The following LPGAT1 variants were observed in gnomAD, a reference collection of about 807,000 sequenced individuals.
LPGAT1 encodes the protein acyl-CoA:lysophosphatidylglycerol acyltransferase 1.
Under a neutral mutation model 47.5 loss-of-function variants are expected in LPGAT1, and 11 were observed. That is an observed-to-expected ratio of 0.23 (90% confidence interval 0.15 to 0.38). The LOEUF (loss-of-function observed/expected upper bound fraction) is 0.38. LPGAT1 is among the 10% of genes least tolerant of loss of function. The pLI, the probability that LPGAT1 is intolerant of heterozygous loss-of-function variation, is 1.00. For missense variants in LPGAT1, 293 were observed against 439.0 expected (o/e 0.67, Z 2.97); for synonymous variants, 138 against 144.2 (o/e 0.96, Z 0.31).
chr1:211,773,539 T>G (rs1044396315), intron 6 of LPGAT1, among the ~76,000 whole-genome samples: 2 of 152,226 alleles, frequency 1.3e-5, no homozygotes, highest in African/African-American at 4.8e-5. Flanking sequence ...CTTATGGTTA[T>G]ATCTTTTCTC....
At chr1:211,824,011 A>G (rs1434249071) in intron 2 of LPGAT1, among the ~76,000 whole-genome samples, 1 of 152,156 alleles carries the variant, frequency 6.6e-6, no homozygotes, top group Non-Finnish European at 1.5e-5. Flanking sequence ...ATGTGATTCA[A>G]GGTTTCATAT....
chr1:211,793,505 T>C (rs1371240695), intron 2 of LPGAT1, among the ~76,000 whole-genome samples: 1 of 152,010 alleles, frequency 6.6e-6, no homozygotes, highest in African/African-American at 2.4e-5. Context: ...CGATCTTGGC[T>C]CACTGCAACC....
chr1:211,749,729 C>A lies in LPGAT1; in HGVS notation c.*170G>T. The stretch of plus-strand genomic sequence containing the variant: ...TTAGCAGGTCATTATATTACTAATC[C>A]TCATTTTAGTAGATTTTAAAATATC... On this transcript the variant is annotated 3_prime_UTR_variant, in exon 8 of 8. Coordinates refer to ENST00000366997, the MANE Select transcript of LPGAT1 (RefSeq NM_014873.3). 2 of 661,436 alleles carry A rather than the reference C, an allele frequency of 3.0e-6. No homozygotes were observed. Among genetic ancestry groups the A allele is most frequent in the East Asian group, 2.8e-5 (1 of 36,022 alleles). 41.0% of individuals were successfully genotyped at this position (661,436 alleles called of 1,614,324 possible).
intron 6 of LPGAT1, among the ~76,000 whole-genome samples, chr1:211,757,901 C>T (rs1657532443): frequency 6.6e-6 from 1 of 152,148 alleles, no homozygotes; most frequent in Admixed American, 6.5e-5. Flanking sequence ...CCAAAAATTC[C>T]TATGGTGGGA....
At chr1:211,813,721 G>A (rs959773499) in intron 2 of LPGAT1, among the ~76,000 whole-genome samples, 7 of 152,214 alleles carry the variant, frequency 4.6e-5, no homozygotes, top group African/African-American at 1.7e-4. Flanking sequence ...TTAGCATCAG[G>A]TTGATTGCAA....
intron 2 of LPGAT1, among the ~76,000 whole-genome samples, chr1:211,822,403 CA>C (rs1045425085): frequency 3.9e-5 from 6 of 152,198 alleles, no homozygotes; most frequent in Middle Eastern, 3.4e-3. Context: ...TGGAGAAGAA[CA>C]AAAATATTTC....
intron 6 of LPGAT1, among the ~76,000 whole-genome samples, chr1:211,755,114 G>GA (rs1009751842): frequency 6.6e-6 from 1 of 150,648 alleles, no homozygotes; most frequent in Non-Finnish European, 1.5e-5. Flanking sequence ...GAGGTGGGTG[G>GA]ATCACGAGGT....
chr1:211,826,953 A>G (rs954764667), intron 2 of LPGAT1, among the ~76,000 whole-genome samples: 1 of 152,220 alleles, frequency 6.6e-6, no homozygotes, highest in Non-Finnish European at 1.5e-5. Flanking sequence ...AAAGGCTAAT[A>G]TAACACCTGA....
intron 2 of LPGAT1, among the ~76,000 whole-genome samples, chr1:211,798,639 T>C (rs1177563892): frequency 6.6e-6 from 1 of 152,148 alleles, no homozygotes; most frequent in African/African-American, 2.4e-5. Flanking sequence ...GCTGTGATCA[T>C]GCCACTACAC....
At position 211,825,120 on chromosome 1, in the gene LPGAT1, T is replaced by C. The variant is rs534923468; in HGVS notation, c.238+3939A>G. Among the ~76,000 whole-genome samples, 7 of 150,530 alleles carry C rather than the reference T, an allele frequency of 4.7e-5. No homozygotes were observed. The South Asian group carries it at 1.1e-3, about 23-fold the overall frequency. On this transcript the variant is annotated intron_variant, in intron 2 of 7. Transcript: ENST00000366997. The stretch of plus-strand genomic sequence containing the variant: ...TGGCCCATGACTCTCTCTCACCCTA[T>C]ATAAAAATAAAAATTCTGGAGTTTC...
intron 3 of LPGAT1, among the ~76,000 whole-genome samples, chr1:211,788,711 C>T (rs111560796): frequency 2.2e-3 from 334 of 151,354 alleles, no homozygotes; most frequent in African/African-American, 7.7e-3. Context: ...AAAGTACAAA[C>T]GGGATCTAAT....
At chr1:211,791,250 C>G (rs965583074) in intron 3 of LPGAT1, among the ~76,000 whole-genome samples, 2 of 152,174 alleles carry the variant, frequency 1.3e-5, no homozygotes, top group African/African-American at 4.8e-5. Context: ...GAATCAAAAT[C>G]TCTGGAACCT....
At chr1:211,759,957 T>C (rs559926928) in intron 6 of LPGAT1, among the ~76,000 whole-genome samples, 12 of 152,368 alleles carry the variant, frequency 7.9e-5, no homozygotes, top group African/African-American at 2.6e-4. Flanking sequence ...GATATTGCTA[T>C]ATTATCTTTA....
At chr1:211,757,644 C>A (rs549982765) in intron 6 of LPGAT1, among the ~76,000 whole-genome samples, 1 of 152,044 alleles carries the variant, frequency 6.6e-6, no homozygotes, top group South Asian at 2.1e-4. Context: ...AAGTCAATAC[C>A]AAGAATTTAA....
At chr1:211,784,913 C>T (rs940570466) in intron 4 of LPGAT1, among the ~76,000 whole-genome samples, 1 of 151,288 alleles carries the variant, frequency 6.6e-6, no homozygotes, top group Non-Finnish European at 1.5e-5. Context: ...ACGCCATTCT[C>T]CTGCCTCAGC....
chr1:211,773,749 C>T (rs1282794543), intron 6 of LPGAT1, among the ~76,000 whole-genome samples: 2 of 152,126 alleles, frequency 1.3e-5, no homozygotes, highest in Admixed American at 1.3e-4. Context: ...GTGCACTGTG[C>T]CCACTACTTG....
chr1:211,776,548 T>C (rs1658408768), intron 6 of LPGAT1, among the ~76,000 whole-genome samples: 1 of 152,218 alleles, frequency 6.6e-6, no homozygotes, highest in African/African-American at 2.4e-5. Flanking sequence ...CTAGCAATAG[T>C]ACTGACTTGC....
At chr1:211,766,050 C>T (rs911891568) in intron 6 of LPGAT1, among the ~76,000 whole-genome samples, 1 of 152,148 alleles carries the variant, frequency 6.6e-6, no homozygotes, top group African/African-American at 2.4e-5. Flanking sequence ...TTCTCCTCCC[C>T]TTCAACATCA....
At position 211,758,294 on chromosome 1, in the gene LPGAT1, C is replaced by A. The variant is rs543750612; in HGVS notation, c.855-7227G>T. The stretch of plus-strand genomic sequence containing the variant: ...TTGAATGTCTGTACCTACCAAGGAA[C>A]CTTACAATTTTAATTTGCAGGTAAA... On this transcript the variant is annotated intron_variant, in intron 6 of 7. Transcript: ENST00000366997. Among the ~76,000 whole-genome samples, 4 of 152,274 alleles carry A rather than the reference C, an allele frequency of 2.6e-5. No homozygotes were observed. The South Asian group carries it at 6.2e-4, about 24-fold the overall frequency.
Sources: gnomAD v4.1 joint callset for allele counts (sites outside exome capture counted in the v4.1 genomes callset) on GRCh38, gnomAD v4.1.1 for gene constraint, MANE v1.5 for transcripts, NCBI Gene and HGNC (gene_info 2026-07-23, HGNC 2026-07-21) for gene names.